SEPTIN9: variants seen among roughly 807,000 people sequenced by gnomAD.
The protein encoded by SEPTIN9 is septin 9.
SEPTIN9 carries 13 observed loss-of-function variants against 56.6 expected under a neutral mutation model. That is an observed-to-expected ratio of 0.23 (90% CI 0.15 to 0.37). The LOEUF (loss-of-function observed/expected upper bound fraction) is 0.37. Among genes scored for constraint, SEPTIN9 ranks in the 10% least tolerant of loss-of-function variants. The probability of loss-of-function intolerance (pLI) is 1.00; values close to 1 mark genes in which losing one functional copy is unlikely to be tolerated. For missense variants in SEPTIN9, 650 were observed against 823.1 expected, an observed-to-expected ratio of 0.79 and a Z score of 2.57; for synonymous variants, 332 against 334.1, an observed-to-expected ratio of 0.99 and a Z score of 0.07.
intron 3 of SEPTIN9, among the ~76,000 whole-genome samples, chr17:77,455,755 C>A (rs2038171965): frequency 6.6e-6 from 1 of 152,232 alleles, no homozygotes; most frequent in Non-Finnish European, 1.5e-5. Context: ...GTCATAGGTG[C>A]TTGCTCAACG....
chr17:77,484,544 ATGGTGG>A (rs566985758), intron 4 of SEPTIN9, among the ~76,000 whole-genome samples: 1 of 111,826 alleles, frequency 8.9e-6, no homozygotes, highest in Non-Finnish European at 1.8e-5. Context: ...GGTGGTGGTG[ATGGTGG>A]TGATGATGGT....
chr17:77,404,713 T>G (rs772765481), intron 3 of SEPTIN9, among the ~76,000 whole-genome samples: 1 of 152,132 alleles, frequency 6.6e-6, no homozygotes, highest in Non-Finnish European at 1.5e-5. Context: ...GGCCTGGGAC[T>G]CTGCATTTCC....
Position 77,492,828 on chromosome 17 carries a change from G to A in SEPTIN9, c.1476+112G>A. ...TGAAATTATATTCTTGGGGCCAGAG[G>A]GCACTGAGCCCAGGTGTCTGTACCC... On this transcript the variant is annotated intron_variant, in intron 9 of 11. Transcript: ENST00000427177. The surrounding 1 kb of genome is among the most constrained non-coding windows in gnomAD (Gnocchi z 5.4). 1 of 1,236,214 alleles carries A rather than the reference G, an allele frequency of 8.1e-7. No homozygotes were observed. The highest frequency in any genetic ancestry group is 1.2e-6 in the Non-Finnish European group (1 of 839,970). The allele number at this position is 1,236,214 out of a possible 1,614,324, so 76.6% of individuals were successfully genotyped here. A position where few individuals can be genotyped will look rare whatever the true frequency, so the allele number is the denominator to read the frequency against.
chr17:77,313,155 C>T lies in SEPTIN9; in HGVS notation c.76+5958C>T, dbSNP rs932440182. ...TTAAACTCAGGGGACCTGGGGCAAA[C>T]TCTGCAAGGGCCCTTGGCCTCTGCA... On this transcript the variant is annotated intron_variant, in intron 2 of 11. Transcript: ENST00000427177. This position sits in a 1 kb window ranked among gnomAD's most constrained non-coding sequence, Gnocchi z 4.5. Among the ~76,000 whole-genome samples, 2 of 152,238 alleles carry T rather than the reference C, an allele frequency of 1.3e-5. No individual in the cohort carries two copies. Among genetic ancestry groups the T allele is most frequent in the African/African-American group, 4.8e-5 (2 of 41,466 alleles).
At chr17:77,462,703 A>G (rs1209761688) in intron 3 of SEPTIN9, among the ~76,000 whole-genome samples, 1 of 151,982 alleles carries the variant, frequency 6.6e-6, no homozygotes. Context: ...GTGCAGTGGC[A>G]TGATCTCTGC....
At chr17:77,439,472 T>C (rs1475894982) in intron 3 of SEPTIN9, among the ~76,000 whole-genome samples, 1 of 152,128 alleles carries the variant, frequency 6.6e-6, no homozygotes, top group East Asian at 1.9e-4. Flanking sequence ...CCTGCAGGCA[T>C]ATCCGGCAGC....
intron 3 of SEPTIN9, among the ~76,000 whole-genome samples, chr17:77,467,706 C>T (rs1215417306): frequency 2.6e-5 from 4 of 152,232 alleles, no homozygotes; most frequent in Non-Finnish European, 5.9e-5. Flanking sequence ...CACACCGAAG[C>T]CGCGGAGACG....
At chr17:77,401,959 C>T (rs778552248) in intron 2 of SEPTIN9, 100 bp from the exon 3 acceptor site, 100 of 1,275,942 alleles carry the variant, frequency 7.8e-5, no homozygotes, top group Admixed American at 1.1e-4. Context: ...CCCTCACCGC[C>T]GCATCGCCTG....
intron 2 of SEPTIN9, among the ~76,000 whole-genome samples, chr17:77,368,054 C>T (rs572435151): frequency 5.9e-5 from 9 of 152,298 alleles, no homozygotes; most frequent in South Asian, 2.1e-4. Context: ...CCTCATGCTA[C>T]GTAAGCCTGT....
chr17:77,457,475 G>A lies in SEPTIN9; in HGVS notation c.722-24669G>A, dbSNP rs76095942. On this transcript the variant is annotated intron_variant, in intron 3 of 11. Transcript: ENST00000427177. Reference sequence around the variant, plus strand: ...GAGGCCCAGAGGTGCCGGAGCAGACGTTAAGCGAGTTCCGTGTTTATGCGC... The same window carrying A: ...GAGGCCCAGAGGTGCCGGAGCAGACATTAAGCGAGTTCCGTGTTTATGCGC... Among the ~76,000 whole-genome samples the A allele has an allele frequency of 2.4e-3, 373 of 152,314 alleles. 1 individual carries two copies. The highest frequency in any genetic ancestry group is 8.6e-3 in the African/African-American group (359 of 41,546).
rs550418301 is a variant in SEPTIN9, at chr17:77,329,207, G to A, written c.76+22010G>A. 3.5e-3 allele frequency among the ~76,000 whole-genome samples: 538 copies of A among 152,354 alleles called. 2 individuals carry two copies. Among genetic ancestry groups the A allele is most frequent in the Non-Finnish European group, 5.8e-3 (395 of 68,020 alleles). On this transcript the variant is annotated intron_variant, in intron 2 of 11. Transcript: ENST00000427177. This position sits in a 1 kb window ranked among gnomAD's most constrained non-coding sequence, Gnocchi z 4.3. ...AGAATGGCCAGGGGCAGGCAGGGAG[G>A]CCTGCTAGGGAGGAGGCTGCTGCAG...
intron 2 of SEPTIN9, among the ~76,000 whole-genome samples, chr17:77,397,276 C>T (rs2035750465): frequency 6.6e-6 from 1 of 152,146 alleles, no homozygotes; most frequent in African/African-American, 2.4e-5. Context: ...CCAGGCGCTC[C>T]TTGGCTCTGG....
At chr17:77,416,918 C>T (rs375382609) in intron 3 of SEPTIN9, among the ~76,000 whole-genome samples, 27 of 152,348 alleles carry the variant, frequency 1.8e-4, no homozygotes, top group African/African-American at 6.5e-4. Flanking sequence ...CACCTCCTGG[C>T]TCCAGGGCTG....
At chr17:77,294,157 G>A (rs1248487748) in intron 1 of SEPTIN9, among the ~76,000 whole-genome samples, 6 of 150,544 alleles carry the variant, frequency 4.0e-5, no homozygotes, top group Admixed American at 6.7e-5. Context: ...GGTGGCTCAC[G>A]CCTGTAATTC....
intron 2 of SEPTIN9, among the ~76,000 whole-genome samples, chr17:77,324,084 G>A (rs536833647): frequency 1.3e-5 from 2 of 152,324 alleles, no homozygotes; most frequent in Admixed American, 1.3e-4. Flanking sequence ...GCGTTCCTTG[G>A]CTCGTGGCCA....
chr17:77,477,297 G>C (rs2039256413), intron 3 of SEPTIN9, among the ~76,000 whole-genome samples: 1 of 151,974 alleles, frequency 6.6e-6, no homozygotes, highest in African/African-American at 2.4e-5. Flanking sequence ...GCCATCCTCG[G>C]TACACAGTCA....
chr17:77,354,377 T>C (rs1277536167), intron 2 of SEPTIN9, among the ~76,000 whole-genome samples: 2 of 152,196 alleles, frequency 1.3e-5, no homozygotes, highest in Admixed American at 1.3e-4. Flanking sequence ...AGTCAGGCCT[T>C]GAGCTGGTTG....
chr17:77,308,917 G>T (rs12453335), intron 2 of SEPTIN9, among the ~76,000 whole-genome samples: 34,148 of 152,184 alleles, frequency 0.22, 4,069 homozygotes, highest in Middle Eastern at 0.3. Context: ...GTGGGAAGAG[G>T]GGGGTGATGC....
At chr17:77,419,370 G>T (rs542589871) in intron 3 of SEPTIN9, among the ~76,000 whole-genome samples, 1 of 152,128 alleles carries the variant, frequency 6.6e-6, no homozygotes. Context: ...AGCAGCCGCC[G>T]CAGGGACCCC....
Sources: gnomAD v4.1 joint callset for allele counts (sites outside exome capture counted in the v4.1 genomes callset) on GRCh38, gnomAD v4.1.1 for gene constraint, Gnocchi (gnomAD v3.1) non-coding constraint, MANE v1.5 for transcripts, NCBI Gene and HGNC (gene_info 2026-07-23, HGNC 2026-07-21) for gene names.